Variants in BTAF1 observed in about 807,000 individuals in gnomAD.
BTAF1 encodes TATA-binding protein-associated factor 172.
A neutral mutation model predicts 227.1 loss-of-function variants in BTAF1; 38 were observed. That is an observed-to-expected ratio of 0.17 (90% CI 0.13 to 0.22). BTAF1 has a LOEUF of 0.22. Among genes scored for constraint, BTAF1 ranks in the 10% least tolerant of loss-of-function variants. The pLI, the probability that BTAF1 is intolerant of heterozygous loss-of-function variation, is 1.00. For synonymous variants in BTAF1, 742 were observed against 751.9 expected (o/e 0.99, Z 0.21); for missense variants, 1,598 against 2,204.0 (o/e 0.73, Z 5.51).
intron 23 of BTAF1, 139 bp from the exon 24 acceptor site, chr10:91,996,230 C>T: frequency 1.5e-6 from 1 of 673,842 alleles, no homozygotes; most frequent in East Asian, 2.7e-5. Context: ...AATGTTTTGG[C>T]AGTAATGTTT....
chr10:91,966,802 A>G, intron 14 of BTAF1, 45 bp downstream of exon 14: 1 of 1,548,446 alleles, frequency 6.5e-7, no homozygotes, highest in Non-Finnish European at 8.7e-7. Flanking sequence ...ATATAAATTA[A>G]TTTTATAAAA....
chr10:92,006,957 A>T (rs543536483), intron 25 of BTAF1, among the ~76,000 whole-genome samples: 3 of 152,286 alleles, frequency 2.0e-5, no homozygotes, highest in African/African-American at 7.2e-5. Flanking sequence ...CAGAACATAC[A>T]GTTAGTACAT....
chr10:91,970,085 A>ATT lies in BTAF1; in HGVS notation c.1650+3339_1650+3340dup, dbSNP rs5786982. On this transcript the variant is annotated intron_variant, in intron 14 of 37. Transcript: ENST00000265990. ...TTGATGTTGATTTTCTTGTCCAGGGATTTTTTTTTTTTCCTTTTGAATTTG... is the reference window on the plus strand; with the variant it reads ...TTGATGTTGATTTTCTTGTCCAGGGATTTTTTTTTTTTTTCCTTTTGAATTTG... Among the ~76,000 whole-genome samples, 733 of 146,702 alleles carry ATT rather than the reference A, an allele frequency of 5.0e-3. 7 individuals carry two copies. Among genetic ancestry groups the ATT allele is most frequent in the Middle Eastern group, 7.1e-3 (2 of 282 alleles).
intron 4 of BTAF1, among the ~76,000 whole-genome samples, chr10:91,944,329 C>T (rs1034673955): frequency 2.0e-5 from 3 of 152,122 alleles, no homozygotes; most frequent in African/African-American, 7.2e-5. Flanking sequence ...TGTTTGTCCC[C>T]TCATATATAT....
chr10:91,974,477 CA>C (rs1480640012), intron 14 of BTAF1, among the ~76,000 whole-genome samples: 1 of 152,186 alleles, frequency 6.6e-6, no homozygotes, highest in Admixed American at 6.5e-5. Flanking sequence ...ATTGTTTAAT[CA>C]GTGTGCCTTC....
chr10:91,983,936 T>C (rs757846314), intron 18 of BTAF1, among the ~76,000 whole-genome samples: 20 of 151,988 alleles, frequency 1.3e-4, no homozygotes, highest in Non-Finnish European at 7.4e-5. Flanking sequence ...CTGTGATATA[T>C]ATACACGTGT....
intron 33 of BTAF1, among the ~76,000 whole-genome samples, chr10:92,017,620 C>T (rs985092846): frequency 5.9e-5 from 9 of 152,028 alleles, no homozygotes; most frequent in Non-Finnish European, 1.3e-4. Flanking sequence ...AAGCGATCCT[C>T]AGCCTCAGCT....
At chr10:91,936,015 T>G (rs1257640382) in intron 2 of BTAF1, among the ~76,000 whole-genome samples, 2 of 152,126 alleles carry the variant, frequency 1.3e-5, no homozygotes, top group Non-Finnish European at 2.9e-5. Context: ...CCCAGTTTGG[T>G]AATAAACTAA....
chr10:91,958,756 T>C (rs1030834793), intron 8 of BTAF1, among the ~76,000 whole-genome samples: 1 of 152,096 alleles, frequency 6.6e-6, no homozygotes, highest in Non-Finnish European at 1.5e-5. Flanking sequence ...TCCTCTCTCT[T>C]GCTGTGGATA....
rs565388475 is a variant in BTAF1 at position 91,937,063 on chromosome 10, C to T, written c.138+1283C>T. ...AGGCTGGAGTGCAGTGGCGCGATCT[C>T]GGCTTACTGCAACCTCTGCCTCCTG... On this transcript the variant is annotated intron_variant, in intron 2 of 37. Coordinates refer to ENST00000265990, the MANE Select transcript of BTAF1 (RefSeq NM_003972.3). Among the ~76,000 whole-genome samples, 3 of 150,224 alleles carry T rather than the reference C, an allele frequency of 2.0e-5. No individual in the cohort carries two copies. In the South Asian group the frequency reaches 6.3e-4, roughly 31 times the overall value.
intron 1 of BTAF1, 128 bp downstream of exon 1, chr10:91,924,218 C>T (rs1010823198): frequency 7.8e-7 from 1 of 1,286,306 alleles, no homozygotes; most frequent in Non-Finnish European, 1.0e-6. Flanking sequence ...CTTCAGTAGA[C>T]TTCGGAGTTC....
chr10:91,928,610 A>C (rs892881872), intron 1 of BTAF1, among the ~76,000 whole-genome samples: 4 of 152,154 alleles, frequency 2.6e-5, no homozygotes, highest in Admixed American at 2.6e-4. Flanking sequence ...TTAAATAATA[A>C]GTGTTATATT....
At chr10:92,015,248 A>G (rs1005307541) in intron 32 of BTAF1, among the ~76,000 whole-genome samples, 6 of 152,220 alleles carry the variant, frequency 3.9e-5, no homozygotes, top group South Asian at 4.1e-4. Context: ...TCCTTGTCTT[A>G]GTAAGACATG....
At chr10:91,943,537 G>A (rs945152075) in intron 4 of BTAF1, among the ~76,000 whole-genome samples, 3 of 151,970 alleles carry the variant, frequency 2.0e-5, no homozygotes, top group Non-Finnish European at 4.4e-5. Context: ...TCATTTAGAG[G>A]CTTATTAATA....
chr10:92,006,125 C>T (rs900935932), intron 25 of BTAF1, among the ~76,000 whole-genome samples: 7 of 152,048 alleles, frequency 4.6e-5, no homozygotes, highest in Admixed American at 1.3e-4. Context: ...CCACCACACC[C>T]GGCCAGTATT....
In BTAF1 at chr10:92,016,401, C is replaced by T. The variant is rs1850726536; in HGVS notation, c.4646C>T (p.Ser1549Phe). 1.2e-6 allele frequency: 2 copies of T among 1,601,080 alleles called. No individual in the cohort carries two copies. Among genetic ancestry groups the T allele is most frequent in the African/African-American group, 1.3e-5 (1 of 74,434 alleles). ...RAKCDVDETV[S>F]SATLSEETEK... ...AAGTGTGATGTTGATGAAACAGTTT[C>T]TTCAGCTACACTTTCTGAAGAAACT... Residue 1549 changes from serine to phenylalanine, a missense_variant, in exon 33 of 38, where the codon TCT becomes TTT. Ser to Phe is a radical substitution (Grantham distance 155). This residue lies in a region of BTAF1 where 205 missense variants were observed against 244.5 expected (regional missense o/e 0.84). Transcript: ENST00000265990.
intron 14 of BTAF1, among the ~76,000 whole-genome samples, chr10:91,971,679 T>G (rs1412308410): frequency 6.6e-6 from 1 of 151,816 alleles, no homozygotes; most frequent in African/African-American, 2.4e-5. Context: ...GCCATGTTGG[T>G]CAGGCTAGTC....
chr10:91,959,212 A>T (rs958219341), intron 9 of BTAF1, 58 bp downstream of exon 9: 2 of 1,611,146 alleles, frequency 1.2e-6, no homozygotes. Context: ...TCTTTTTCCA[A>T]TGTAGGGAAG....
intron 14 of BTAF1, among the ~76,000 whole-genome samples, chr10:91,968,699 A>G (rs1847091495): frequency 6.6e-6 from 1 of 151,990 alleles, no homozygotes; most frequent in Admixed American, 6.6e-5. Context: ...TCTGGCCAGC[A>G]TTTTTTGTCA....
Sources: gnomAD v4.1 joint callset for allele counts (sites outside exome capture counted in the v4.1 genomes callset) on GRCh38, gnomAD v4.1.1 for gene constraint, gnomAD v4.1.1 regional missense constraint, MANE v1.5 for transcripts, NCBI Gene and HGNC (gene_info 2026-07-23, HGNC 2026-07-21) for gene names.